Variants in DLEU7 observed in about 807,000 individuals in gnomAD.
The protein encoded by DLEU7 is deleted in lymphocytic leukemia 7, also known as leukemia-associated protein 7.
DLEU7 carries 17 observed loss-of-function variants against 16.0 expected under a neutral mutation model. That is an observed-to-expected ratio of 1.06 (90% CI 0.73 to 1.59). The LOEUF (loss-of-function observed/expected upper bound fraction) is 1.59, where lower values mean the gene tolerates loss of function less well. DLEU7 is among the 40% of genes most tolerant of loss of function. The pLI, the probability that DLEU7 is intolerant of heterozygous loss-of-function variation, is 0.00. For synonymous variants in DLEU7, 113 were observed against 139.8 expected (o/e 0.81, Z 1.35); for missense variants, 308 against 314.9 (o/e 0.98, Z 0.17).
chr13:50,843,436 C>A lies in DLEU7; in HGVS notation c.211G>T (p.Gly71Cys). The change falls in exon 1 of 2, where the codon GGC becomes TGC. Residue 71 changes from glycine (G) to cysteine (C), a missense_variant. Physicochemically the swap from Gly to Cys is radical, Grantham distance 159. Coordinates refer to ENST00000504404, the MANE Select transcript of DLEU7 (RefSeq NM_001306135.2). This position sits in a 1 kb window ranked among gnomAD's most constrained non-coding sequence, Gnocchi z 5.7. ...GTCCGCCGACTCCTGGTCCCCACGC[C>A]CCCGCCCCGCTCCTCGCGCCCGGGC... ...PGPGREERGG[G>C]VGTRSRRTAA... 3.0e-6 allele frequency: 4 copies of A among 1,328,050 alleles called. No homozygotes were observed. Among genetic ancestry groups the A allele is most frequent in the Non-Finnish European group, 3.8e-6 (4 of 1,046,110 alleles). 82.3% of individuals were successfully genotyped at this position (1,328,050 alleles called of 1,614,324 possible).
chr13:50,733,586 C>G (rs1873980444), intron 1 of DLEU7, among the ~76,000 whole-genome samples: 1 of 152,022 alleles, frequency 6.6e-6, no homozygotes, highest in Non-Finnish European at 1.5e-5. Context: ...GCACCCAACT[C>G]CTCAACTCTG....
At chr13:50,742,570 T>C (rs1367014561) in intron 1 of DLEU7, among the ~76,000 whole-genome samples, 1 of 152,156 alleles carries the variant, frequency 6.6e-6, no homozygotes, top group African/African-American at 2.4e-5. Flanking sequence ...GCAGCCCTGT[T>C]TTCTTTATGA....
intron 1 of DLEU7, among the ~76,000 whole-genome samples, chr13:50,803,617 A>T (rs893321714): frequency 3.3e-5 from 5 of 152,118 alleles, no homozygotes; most frequent in Non-Finnish European, 7.4e-5. Context: ...TTTTGTATTG[A>T]TTACTTATTG....
intron 1 of DLEU7, among the ~76,000 whole-genome samples, chr13:50,737,996 A>G (rs978558925): frequency 6.6e-6 from 1 of 152,148 alleles, no homozygotes; most frequent in Non-Finnish European, 1.5e-5. Context: ...AAACACACGA[A>G]TGATAAGAAA....
chr13:50,803,229 G>A (rs918343983), intron 1 of DLEU7, among the ~76,000 whole-genome samples: 1 of 152,158 alleles, frequency 6.6e-6, no homozygotes, highest in Non-Finnish European at 1.5e-5. Context: ...TTAACCATCA[G>A]TGTGTGAAAC....
chr13:50,826,088 C>G (rs981190951), intron 1 of DLEU7, among the ~76,000 whole-genome samples: 1 of 150,690 alleles, frequency 6.6e-6, no homozygotes, highest in Non-Finnish European at 1.5e-5. Flanking sequence ...CAATTCCCAC[C>G]TGTGAGAAGG....
intron 1 of DLEU7, among the ~76,000 whole-genome samples, chr13:50,715,030 G>A (rs1253770929): frequency 6.6e-6 from 1 of 152,110 alleles, no homozygotes; most frequent in African/African-American, 2.4e-5. Context: ...CTTGTTGGCG[G>A]AATTCAGTTC....
chr13:50,717,549 A>G (rs796089446), intron 1 of DLEU7, among the ~76,000 whole-genome samples: 5 of 151,338 alleles, frequency 3.3e-5, no homozygotes, highest in African/African-American at 9.7e-5. Flanking sequence ...TAATTAACAA[A>G]TAGCGTGAAG....
At chr13:50,812,295 C>T (rs1355682393) in intron 1 of DLEU7, among the ~76,000 whole-genome samples, 2 of 152,016 alleles carry the variant, frequency 1.3e-5, no homozygotes, top group Admixed American at 6.6e-5. Context: ...ACCTGAGGGG[C>T]CCCCGTGGAC....
downstream of DLEU7, among the ~76,000 whole-genome samples, chr13:50,821,731 G>T (rs974454504): frequency 4.6e-5 from 5 of 108,636 alleles, no homozygotes; most frequent in African/African-American, 1.6e-4. Context: ...GTTGGGTAAG[G>T]TAAAAAAAAA....
rs7996453 is a variant in DLEU7, at chr13:50,765,029, C to T, written c.460-51789G>A. On this transcript the variant is annotated intron_variant, in intron 1 of 1. Transcript: ENST00000400393. Reference sequence around the variant, plus strand: ...TCCAAAGTAGCTGGGATTACAGGCACGCACCATCATGCCTGGTAAATTTTT... The same window carrying T: ...TCCAAAGTAGCTGGGATTACAGGCATGCACCATCATGCCTGGTAAATTTTT... Among the ~76,000 whole-genome samples the T allele has an allele frequency of 2.3e-3, 356 of 152,202 alleles. 1 individual carries two copies. The highest frequency in any genetic ancestry group is 8.2e-3 in the African/African-American group (341 of 41,520).
At chr13:50,790,352 A>G (rs1206285680) in intron 1 of DLEU7, among the ~76,000 whole-genome samples, 1 of 152,200 alleles carries the variant, frequency 6.6e-6, no homozygotes, top group Non-Finnish European at 1.5e-5. Flanking sequence ...TGTGTGTGAG[A>G]GAAGTTTGTT....
At position 50,759,090 on chromosome 13, in the gene DLEU7, A is replaced by G. The variant is rs1197921923; in HGVS notation, c.460-45850T>C. 1.3e-5 allele frequency among the ~76,000 whole-genome samples: 2 copies of G among 152,232 alleles called. 1 individual carries two copies. The highest frequency in any genetic ancestry group is 2.9e-5 in the Non-Finnish European group (2 of 68,034). On this transcript the variant is annotated intron_variant, in intron 1 of 1. Coordinates refer to the DLEU7 transcript ENST00000400393. ...CGGAATTCCTTTGAAAATTCATTTC[A>G]AACTAGTTCATCCAATTTGCAAACA...
chr13:50,780,235 A>G (rs938950029), intron 1 of DLEU7, among the ~76,000 whole-genome samples: 1 of 152,178 alleles, frequency 6.6e-6, no homozygotes, highest in African/African-American at 2.4e-5. Flanking sequence ...CCCTAGGAGT[A>G]AAAACACCTC....
intron 1 of DLEU7, among the ~76,000 whole-genome samples, chr13:50,755,251 G>A (rs1178289942): frequency 6.6e-6 from 1 of 152,132 alleles, no homozygotes; most frequent in Non-Finnish European, 1.5e-5. Flanking sequence ...GCAAGGCTGG[G>A]AAAGTTTTAC....
At chr13:50,767,615 C>G (rs895059788) in intron 1 of DLEU7, among the ~76,000 whole-genome samples, 3 of 152,126 alleles carry the variant, frequency 2.0e-5, no homozygotes, top group Non-Finnish European at 2.9e-5. Flanking sequence ...AGCTCTAGCA[C>G]CTGGGACAGC....
intron 1 of DLEU7, among the ~76,000 whole-genome samples, chr13:50,831,266 T>C (rs974486506): frequency 6.6e-6 from 1 of 152,064 alleles, no homozygotes; most frequent in African/African-American, 2.4e-5. Context: ...GTCACAAAAA[T>C]AAGATTAAGG....
chr13:50,715,250 T>C (rs1873408802), intron 1 of DLEU7, among the ~76,000 whole-genome samples: 1 of 152,168 alleles, frequency 6.6e-6, no homozygotes. Flanking sequence ...ATCATGTAAT[T>C]ATTTTGAGCC....
intron 1 of DLEU7, among the ~76,000 whole-genome samples, chr13:50,809,153 C>T (rs926863791): frequency 1.3e-5 from 2 of 152,084 alleles, no homozygotes; most frequent in Non-Finnish European, 2.9e-5. Context: ...CCTCACCAAC[C>T]GGCAGCCCCA....
Sources: allele counts gnomAD v4.1 joint callset (sites outside exome capture counted in the v4.1 genomes callset), GRCh38; gene constraint gnomAD v4.1.1; non-coding constraint Gnocchi (gnomAD v3.1); transcripts MANE v1.5; gene names NCBI Gene and HGNC (gene_info 2026-07-23, HGNC 2026-07-21).